Variants in LRRK1 observed in about 807,000 individuals in gnomAD.
LRRK1 encodes leucine rich repeat kinase 1, also known as leucine-rich repeat serine/threonine-protein kinase 1.
A neutral mutation model predicts 209.1 loss-of-function variants in LRRK1; 113 were observed. The ratio of observed to expected loss-of-function variants is 0.54; its 90% CI spans 0.46 to 0.63. The LOEUF (loss-of-function observed/expected upper bound fraction) is 0.63. LRRK1 is among the 30% of genes least tolerant of loss of function. The pLI, the probability that LRRK1 is intolerant of heterozygous loss-of-function variation, is 0.00. For missense variants in LRRK1, 2,284 were observed against 2,632.2 expected (o/e 0.87, Z 2.89); for synonymous variants, 1,144 against 1,099.7 (o/e 1.04, Z -0.80).
At chr15:101,042,731 T>C (rs1414708571) in intron 20 of LRRK1, among the ~76,000 whole-genome samples, 1 of 152,200 alleles carries the variant, frequency 6.6e-6, no homozygotes, top group African/African-American at 2.4e-5. Context: ...GGTGCTCTTG[T>C]CGGGGGATTT....
chr15:100,994,562 T>A (rs746285354), intron 6 of LRRK1, among the ~76,000 whole-genome samples: 3 of 152,222 alleles, frequency 2.0e-5, no homozygotes, highest in Non-Finnish European at 2.9e-5. Flanking sequence ...AAGGTTGGCA[T>A]AGAGCATGGA....
chr15:101,008,441 A>G (rs1470249406), intron 6 of LRRK1, among the ~76,000 whole-genome samples: 1 of 152,124 alleles, frequency 6.6e-6, no homozygotes. Context: ...TGGGTTTGGG[A>G]GTCAGCTTTC....
At chr15:101,039,111 C>T (rs1302084400) in intron 20 of LRRK1, among the ~76,000 whole-genome samples, 1 of 152,172 alleles carries the variant, frequency 6.6e-6, no homozygotes, top group East Asian at 1.9e-4. Flanking sequence ...AGATCCTTTG[C>T]ATTTTCATCT....
chr15:100,962,823 A>ATAT, intron 2 of LRRK1, among the ~76,000 whole-genome samples: 2 of 11,548 alleles, frequency 1.7e-4, no homozygotes, highest in African/African-American at 5.0e-4. Flanking sequence ...ATATATATAT[A>ATAT]TTTTTTTTTT....
intron 31 of LRRK1, among the ~76,000 whole-genome samples, chr15:101,064,142 A>G (rs1364706968): frequency 2.0e-5 from 3 of 152,268 alleles, no homozygotes; most frequent in African/African-American, 7.2e-5. Context: ...GGCCTGAGCC[A>G]GGACTGCAGA....
intron 2 of LRRK1, among the ~76,000 whole-genome samples, chr15:100,957,016 C>T (rs28864689): frequency 0.057 from 8,685 of 152,160 alleles, 405 homozygotes; most frequent in African/African-American, 0.12. Context: ...TCTGAAGATA[C>T]TTTCTGATTT....
At chr15:101,033,962 A>G (rs2034391860) in intron 20 of LRRK1, among the ~76,000 whole-genome samples, 2 of 149,418 alleles carry the variant, frequency 1.3e-5, no homozygotes, top group South Asian at 2.1e-4. Context: ...TAGCTGTTCA[A>G]CTGGGGTTAT....
chr15:101,028,348 C>A (rs924228206), intron 19 of LRRK1, among the ~76,000 whole-genome samples: 1 of 152,192 alleles, frequency 6.6e-6, no homozygotes, highest in Admixed American at 6.5e-5. Flanking sequence ...ATTGCTCATT[C>A]ATGAACAAAG....
At position 101,014,229 on chromosome 15, in the gene LRRK1, G is replaced by T. The variant is rs532929177; in HGVS notation, c.1420-87G>T. The T allele has an allele frequency of 1.1e-5, 10 of 941,724 alleles. No homozygotes were observed. In the African/African-American group the frequency reaches 1.3e-4, roughly 12 times the overall value. 58.3% of individuals were successfully genotyped at this position (941,724 alleles called of 1,614,324 possible). A position where few individuals can be genotyped will look rare whatever the true frequency, so the allele number is the denominator to read the frequency against. On this transcript the variant is annotated intron_variant, in intron 10 of 33. Coordinates refer to ENST00000388948, the MANE Select transcript of LRRK1 (RefSeq NM_024652.6). Reference sequence around the variant, plus strand: ...GGTTGGAATCGTTTGACTGCGCGTGGTTGGGAACTGACTGGCTCTTCAGTC... The same window carrying T: ...GGTTGGAATCGTTTGACTGCGCGTGTTTGGGAACTGACTGGCTCTTCAGTC...
intron 6 of LRRK1, among the ~76,000 whole-genome samples, chr15:101,004,459 A>G (rs1034923479): frequency 6.6e-6 from 1 of 152,196 alleles, no homozygotes; most frequent in Non-Finnish European, 1.5e-5. Flanking sequence ...TCTTCAGCTC[A>G]CAAACACTGA....
At chr15:100,929,374 C>T (rs770806593) in intron 2 of LRRK1, among the ~76,000 whole-genome samples, 10 of 152,110 alleles carry the variant, frequency 6.6e-5, no homozygotes, top group Non-Finnish European at 1.5e-4. Context: ...CCAGCATGGA[C>T]CAAAGGAGGA....
rs185925546 is a variant in LRRK1, at chr15:100,940,503, G to A, written c.97+15774G>A. ...GCTGCATCCTCCTCTTGGTCTTCCA[G>A]ATTCCTGATTTGTCCTTCAACGGTG... On this transcript the variant is annotated intron_variant, in intron 2 of 33. Coordinates refer to ENST00000388948, the MANE Select transcript of LRRK1 (RefSeq NM_024652.6). Among the ~76,000 whole-genome samples the A allele has an allele frequency of 1.6e-3, 245 of 152,262 alleles. 1 individual carries two copies. Among genetic ancestry groups the A allele is most frequent in the South Asian group, 5.6e-3 (27 of 4,828 alleles).
intron 20 of LRRK1, among the ~76,000 whole-genome samples, chr15:101,040,271 G>C (rs971358269): frequency 9.2e-5 from 14 of 151,640 alleles, no homozygotes; most frequent in African/African-American, 1.2e-4. Context: ...GTCAGTTTTG[G>C]TAAGTTATTT....
At chr15:100,935,800 G>A (rs750732608) in intron 2 of LRRK1, among the ~76,000 whole-genome samples, 9 of 152,174 alleles carry the variant, frequency 5.9e-5, no homozygotes, top group Non-Finnish European at 1.0e-4. Context: ...AATCTAGGCA[G>A]GGCCCAGCTG....
intron 12 of LRRK1, among the ~76,000 whole-genome samples, chr15:101,019,743 G>A (rs762327608): frequency 6.6e-6 from 1 of 152,196 alleles, no homozygotes; most frequent in African/African-American, 2.4e-5. Context: ...AGGGCTTTGA[G>A]GCAGTTGTTT....
At chr15:101,036,747 T>C (rs1028412013) in intron 20 of LRRK1, among the ~76,000 whole-genome samples, 1 of 151,700 alleles carries the variant, frequency 6.6e-6, no homozygotes, top group Non-Finnish European at 1.5e-5. Flanking sequence ...CTTCCAGTAT[T>C]TGAATTTGCC....
rs752614939 is a variant in LRRK1 at position 101,015,389 on chromosome 15, C to A, written c.1596C>A (p.Ser532=). The change falls in exon 12 of 34, where the codon TCC becomes TCA. Residue 532 remains serine (S), a synonymous_variant. Transcript: ENST00000388948. ...TCACCACCAGAGGTCGCCAGCGCTC[C>A]GGGACTGAGGCAGGTGTGTGTGGGT... ...AFFTTRGRQR[S]GTEAASVLEF... is the part of the protein sequence containing the mutation. 6.2e-7 allele frequency: 1 copy of A among 1,613,188 alleles called. No individual in the cohort carries two copies. Among genetic ancestry groups the A allele is most frequent in the Non-Finnish European group, 8.5e-7 (1 of 1,179,478 alleles).
intron 2 of LRRK1, among the ~76,000 whole-genome samples, chr15:100,934,818 AAAAAG>A (rs2042271144): frequency 1.3e-5 from 2 of 151,302 alleles, no homozygotes; most frequent in Non-Finnish European, 3.0e-5. Context: ...AAAAAAAAAA[AAAAAG>A]GAAGGAAGAA....
intron 3 of LRRK1, among the ~76,000 whole-genome samples, chr15:100,982,805 G>T (rs1395269982): frequency 6.6e-6 from 1 of 152,228 alleles, no homozygotes; most frequent in African/African-American, 2.4e-5. Flanking sequence ...ATGCCAGAAG[G>T]GGCTATGCAC....
Sources: allele counts gnomAD v4.1 joint callset (sites outside exome capture counted in the v4.1 genomes callset), GRCh38; gene constraint gnomAD v4.1.1; transcripts MANE v1.5; gene names NCBI Gene and HGNC (gene_info 2026-07-23, HGNC 2026-07-21).